PPARGC1A: variants seen among roughly 807,000 people sequenced by gnomAD.
The protein encoded by PPARGC1A is peroxisome proliferator-activated receptor gamma coactivator 1-alpha.
Under a neutral mutation model 88.7 loss-of-function variants are expected in PPARGC1A, and 25 were observed. That is an observed-to-expected ratio of 0.28 (90% CI 0.21 to 0.39). The LOEUF is 0.39. PPARGC1A is among the 10% of genes least tolerant of loss of function. The pLI, the probability that PPARGC1A is intolerant of heterozygous loss-of-function variation, is 1.00. For missense variants in PPARGC1A, 880 were observed against 968.7 expected (o/e 0.91, Z 1.22); for synonymous variants, 363 against 355.6 (o/e 1.02, Z -0.24).
At chr4:24,198,543 T>A in the PPARGC1A span, among the ~76,000 whole-genome samples, 2 of 152,194 alleles carry the variant, frequency 1.3e-5, no homozygotes, top group Admixed American at 6.5e-5. Flanking sequence ...TTCCTCCAAG[T>A]GTCAACAAGC....
At chr4:23,973,810 T>A in the PPARGC1A span, among the ~76,000 whole-genome samples, 839 of 152,204 alleles carry the variant, frequency 5.5e-3, 7 homozygotes, top group African/African-American at 0.019. Flanking sequence ...AGGACACTAA[T>A]AACCATAAAA....
At chr4:24,305,368 A>G in the PPARGC1A span, among the ~76,000 whole-genome samples, 1 of 152,074 alleles carries the variant, frequency 6.6e-6, no homozygotes, top group African/African-American at 2.4e-5. Flanking sequence ...TCCATTCACT[A>G]TCTGTGTGAC....
the PPARGC1A span, among the ~76,000 whole-genome samples, chr4:24,043,061 T>C: frequency 1.3e-5 from 2 of 152,182 alleles, no homozygotes; most frequent in Non-Finnish European, 2.9e-5. Flanking sequence ...ACCAATTTTG[T>C]AGGCAGCTAT....
chr4:23,906,586 T>C (rs1340832526), upstream of PPARGC1A, among the ~76,000 whole-genome samples: 1 of 142,960 alleles, frequency 7.0e-6, no homozygotes, highest in South Asian at 2.3e-4. Flanking sequence ...AGCCTGGGTA[T>C]TGAAGTGAGA....
At chr4:23,910,341 T>TA in the PPARGC1A span, among the ~76,000 whole-genome samples, 1 of 60,610 alleles carries the variant, frequency 1.6e-5, no homozygotes, top group African/African-American at 9.2e-5. Context: ...ATTATATATA[T>TA]TATATATTAT....
the PPARGC1A span, among the ~76,000 whole-genome samples, chr4:24,045,930 C>T: frequency 6.6e-6 from 1 of 152,110 alleles, no homozygotes; most frequent in Non-Finnish European, 1.5e-5. Context: ...AGTCACCAAG[C>T]CATGATATTA....
At chr4:24,152,540 G>C in the PPARGC1A span, among the ~76,000 whole-genome samples, 6 of 152,208 alleles carry the variant, frequency 3.9e-5, no homozygotes, top group Non-Finnish European at 8.8e-5. Context: ...ACAATCAGGA[G>C]CTACATTTGG....
chr4:24,078,497 A>G, the PPARGC1A span, among the ~76,000 whole-genome samples: 7 of 152,060 alleles, frequency 4.6e-5, no homozygotes, highest in African/African-American at 9.7e-5. Flanking sequence ...CCTAGTCCAG[A>G]TATCTGGCTG....
At chr4:24,323,397 C>T in the PPARGC1A span, among the ~76,000 whole-genome samples, 1 of 152,166 alleles carries the variant, frequency 6.6e-6, no homozygotes, top group East Asian at 1.9e-4. Context: ...GGCCCTGCCC[C>T]GCCTTAACTG....
the PPARGC1A span, among the ~76,000 whole-genome samples, chr4:23,920,643 C>T: frequency 1.3e-5 from 2 of 152,110 alleles, no homozygotes; most frequent in African/African-American, 4.8e-5. Flanking sequence ...TATGAGAAAC[C>T]CTGTCTTTTC....
At chr4:23,881,391 T>G (rs887964339) in intron 2 of PPARGC1A, 2 of 152,218 alleles carry the variant, frequency 1.3e-5, no homozygotes, top group Non-Finnish European at 2.9e-5. Context: ...CATGTGCTAT[T>G]GCATGTTGCT....
the PPARGC1A span, among the ~76,000 whole-genome samples, chr4:24,041,315 G>A: frequency 5.5e-3 from 830 of 152,238 alleles, 9 homozygotes; most frequent in African/African-American, 0.019. Context: ...AGTTTAGAAA[G>A]GGCTGCATTT....
the PPARGC1A span, among the ~76,000 whole-genome samples, chr4:24,255,710 C>A: frequency 1.3e-5 from 2 of 152,154 alleles, no homozygotes; most frequent in Non-Finnish European, 2.9e-5. Flanking sequence ...AGGTGGAAAC[C>A]TCGCTTCTTC....
chr4:23,993,241 C>A, the PPARGC1A span, among the ~76,000 whole-genome samples: 1 of 152,086 alleles, frequency 6.6e-6, no homozygotes, highest in Non-Finnish European at 1.5e-5. Context: ...CCAGGTAATG[C>A]AATAAGTGTC....
chr4:24,347,082 C>G, the PPARGC1A span, among the ~76,000 whole-genome samples: 1 of 152,000 alleles, frequency 6.6e-6, no homozygotes, highest in Non-Finnish European at 1.5e-5. Context: ...TTTGAAGGTT[C>G]CTTTTGGAGT....
the PPARGC1A span, among the ~76,000 whole-genome samples, chr4:24,469,068 TA>T: frequency 1.5e-4 from 23 of 152,210 alleles, no homozygotes. Flanking sequence ...AAACAAATTA[TA>T]TCTGAAGAAC....
rs2109449946 is a variant in PPARGC1A at position 23,812,795 on chromosome 4, T to C, written c.1971A>G (p.Arg657=). Residue 657 remains arginine (R), a synonymous_variant, in exon 10 of 13, where the codon CGA becomes CGG. Transcript: ENST00000264867. ...CCCTTTGCTTGGCCCTCTCAGACTC[T>C]CGCTTCTCATACTCTCTGCGATATT... ...REEYRREYEK[R]ESERAKQRER... is the part of the protein sequence containing the mutation. 4 of 1,614,016 alleles carry C rather than the reference T, an allele frequency of 2.5e-6. No individual in the cohort carries two copies. The highest frequency in any genetic ancestry group is 3.4e-6 in the Non-Finnish European group (4 of 1,179,974).
the PPARGC1A span, among the ~76,000 whole-genome samples, chr4:23,927,965 G>A: frequency 9.9e-5 from 15 of 152,274 alleles, no homozygotes; most frequent in East Asian, 1.9e-4. Flanking sequence ...TTACTAGATC[G>A]TGAAGCAGTT....
the PPARGC1A span, among the ~76,000 whole-genome samples, chr4:24,470,277 G>GAC: frequency 0.099 from 10,935 of 110,518 alleles, 624 homozygotes; most frequent in East Asian, 0.22. The surrounding 1 kb of genome is among the most constrained non-coding windows in gnomAD (Gnocchi z 5.8). Context: ...GACAGACACA[G>GAC]ACACACACAC....
Sources: gnomAD v4.1 joint callset for allele counts (sites outside exome capture counted in the v4.1 genomes callset) on GRCh38, gnomAD v4.1.1 for gene constraint, Gnocchi (gnomAD v3.1) non-coding constraint, MANE v1.5 for transcripts, NCBI Gene and HGNC (gene_info 2026-07-23, HGNC 2026-07-21) for gene names.